Variants in RAB30 observed in about 807,000 individuals in gnomAD.
RAB30 encodes the protein ras-related protein Rab-30.
Under a neutral mutation model 25.1 loss-of-function variants are expected in RAB30, and 9 were observed. That is an observed-to-expected ratio of 0.36 (90% confidence interval 0.22 to 0.63). The LOEUF (loss-of-function observed/expected upper bound fraction) is 0.63. Ranked by LOEUF, RAB30 falls within the 20% of genes least tolerant of loss-of-function variation. RAB30 has a pLI of 0.69. For missense variants in RAB30, 140 were observed against 243.5 expected (o/e 0.58, Z 2.83); for synonymous variants, 77 against 86.4 (o/e 0.89, Z 0.60).
At chr11:83,070,351 T>C (rs1000899314) in intron 1 of RAB30, among the ~76,000 whole-genome samples, 11 of 152,220 alleles carry the variant, frequency 7.2e-5, no homozygotes, top group Admixed American at 3.3e-4. Flanking sequence ...TAATGAAATA[T>C]CACACAGCTA....
chr11:83,031,713 G>A (rs1431010176), intron 1 of RAB30, among the ~76,000 whole-genome samples: 2 of 152,080 alleles, frequency 1.3e-5, no homozygotes, highest in Non-Finnish European at 2.9e-5. Context: ...TTTTAGGAGA[G>A]ATGGGGTTTC....
intron 1 of RAB30, among the ~76,000 whole-genome samples, chr11:83,038,494 G>A (rs1348144778): frequency 6.6e-6 from 1 of 152,044 alleles, no homozygotes; most frequent in African/African-American, 2.4e-5. Flanking sequence ...TTACTGTGAG[G>A]ACCAAAGCCT....
At chr11:82,986,182 T>TA (rs1856735917) in intron 4 of RAB30, among the ~76,000 whole-genome samples, 1 of 152,318 alleles carries the variant, frequency 6.6e-6, no homozygotes, top group African/African-American at 2.4e-5. Flanking sequence ...AAACATGAAT[T>TA]AATACAACCT....
chr11:83,063,410 G>A (rs1416494870), intron 1 of RAB30, among the ~76,000 whole-genome samples: 1 of 152,156 alleles, frequency 6.6e-6, no homozygotes, highest in Non-Finnish European at 1.5e-5. Context: ...TTAACTAACC[G>A]TAACTAGAAA....
rs1330502146 is a variant in RAB30, at chr11:82,979,141, T to C, written c.*3024A>G. ...CTATGGGCAAAGAAGCACAAAATCC[T>C]TTGAGGATGTAGTCTATACAAAGCC... On this transcript the variant is annotated 3_prime_UTR_variant, in exon 5 of 5. Transcript: ENST00000527633. 1 of 152,176 alleles carries C rather than the reference T, an allele frequency of 6.6e-6. No individual in the cohort carries two copies. The highest frequency in any genetic ancestry group is 1.9e-4 in the East Asian group (1 of 5,198). The allele number at this position is 152,176 out of a possible 1,614,324, so 9.4% of individuals were successfully genotyped here.
chr11:82,981,987 T>A lies in RAB30; in HGVS notation c.*178A>T. ...ACTGGAAAAGGGTGAAACCATTATA[T>A]GTTCTGCTAATGCTGGCCTGTGGTC... On this transcript the variant is annotated 3_prime_UTR_variant, in exon 5 of 5. Transcript: ENST00000527633. 2 of 766,530 alleles carry A rather than the reference T, an allele frequency of 2.6e-6. No individual in the cohort carries two copies. The highest frequency in any genetic ancestry group is 4.2e-6 in the Non-Finnish European group (2 of 481,440). 47.5% of individuals were successfully genotyped at this position (766,530 alleles called of 1,614,324 possible).
intron 1 of RAB30, among the ~76,000 whole-genome samples, chr11:83,059,172 G>A (rs568198054): frequency 1.3e-5 from 2 of 152,212 alleles, no homozygotes; most frequent in East Asian, 3.9e-4. Flanking sequence ...AAACTCCTGG[G>A]CTCAAATGAC....
chr11:83,007,660 G>A (rs1489250301), intron 1 of RAB30, among the ~76,000 whole-genome samples: 1 of 152,176 alleles, frequency 6.6e-6, no homozygotes, highest in African/African-American at 2.4e-5. Context: ...GGTGAGAAGA[G>A]AAGGGAAGAG....
chr11:83,032,300 A>G (rs1282029815), intron 1 of RAB30, among the ~76,000 whole-genome samples: 1 of 152,254 alleles, frequency 6.6e-6, no homozygotes, highest in Non-Finnish European at 1.5e-5. Flanking sequence ...TTAAAAAACA[A>G]CATTTGTTTT....
chr11:83,057,565 G>A (rs187294766), intron 1 of RAB30, among the ~76,000 whole-genome samples: 33 of 152,278 alleles, frequency 2.2e-4, no homozygotes, highest in East Asian at 5.8e-4. Context: ...GAAACTGGGC[G>A]TTGGGTTGAG....
At chr11:83,012,574 A>G (rs1857328261) in intron 1 of RAB30, among the ~76,000 whole-genome samples, 1 of 152,172 alleles carries the variant, frequency 6.6e-6, no homozygotes, top group Non-Finnish European at 1.5e-5. Context: ...TTAAGAACAA[A>G]TTCAATACCT....
intron 1 of RAB30, among the ~76,000 whole-genome samples, chr11:83,030,076 A>G (rs1857818778): frequency 6.6e-6 from 1 of 152,202 alleles, no homozygotes; most frequent in South Asian, 2.1e-4. Context: ...AAAAGACTAC[A>G]TACTGAGTAG....
intron 1 of RAB30, among the ~76,000 whole-genome samples, chr11:83,014,248 T>C (rs1349786765): frequency 1.3e-5 from 2 of 152,166 alleles, no homozygotes; most frequent in Non-Finnish European, 2.9e-5. Context: ...AAGATGAGAA[T>C]TGAATAAGAA....
At chr11:82,992,736 AACACACACACAC>A (rs113845129) in intron 3 of RAB30, among the ~76,000 whole-genome samples, 2 of 131,126 alleles carry the variant, frequency 1.5e-5, no homozygotes, top group African/African-American at 5.8e-5. Context: ...CTCTGTCACC[AACACACACACAC>A]ACACACACAC....
intron 4 of RAB30, among the ~76,000 whole-genome samples, chr11:82,982,686 A>AC (rs1383509363): frequency 2.6e-5 from 4 of 152,074 alleles, no homozygotes; most frequent in African/African-American, 7.2e-5. Flanking sequence ...ATATGGTGAA[A>AC]CCCCGTCTCT....
In RAB30 at chr11:83,061,563, C is replaced by G. The variant is rs1017760607; in HGVS notation, c.-9+10128G>C. On this transcript the variant is annotated intron_variant, in intron 1 of 4. Transcript: ENST00000527633. ...CATGGCGATATCTGCAACTTACTTT[C>G]AAGTGGTTTAGAAAAAGTATCTGTG... Among the ~76,000 whole-genome samples, 3 of 152,132 alleles carry G rather than the reference C, an allele frequency of 2.0e-5. No homozygotes were observed. In the East Asian group the frequency reaches 5.8e-4, roughly 29 times the overall value.
chr11:83,047,693 G>A (rs180908400), intron 1 of RAB30, among the ~76,000 whole-genome samples: 41 of 152,244 alleles, frequency 2.7e-4, no homozygotes, highest in African/African-American at 9.1e-4. Context: ...TTCTTTTAAT[G>A]TTCCTCCTCT....
At chr11:83,036,168 CTTT>C (rs1187623873) in intron 1 of RAB30, among the ~76,000 whole-genome samples, 2 of 138,072 alleles carry the variant, frequency 1.4e-5, no homozygotes, top group Non-Finnish European at 1.6e-5. Context: ...GGTTCAAATT[CTTT>C]TTTTTTTTTT....
chr11:83,014,690 GAA>G (rs1314432439), intron 1 of RAB30, among the ~76,000 whole-genome samples: 8 of 135,106 alleles, frequency 5.9e-5, no homozygotes, highest in South Asian at 2.3e-4. Flanking sequence ...AAGAAAGAAA[GAA>G]AGAGAAAGGA....
Sources: gnomAD v4.1 joint callset for allele counts (sites outside exome capture counted in the v4.1 genomes callset) on GRCh38, gnomAD v4.1.1 for gene constraint, MANE v1.5 for transcripts, NCBI Gene and HGNC (gene_info 2026-07-23, HGNC 2026-07-21) for gene names.